The following FRMD5 variants were observed in gnomAD, a reference collection of about 807,000 sequenced individuals.
FRMD5 encodes FERM domain containing 5.
In FRMD5, 20 loss-of-function variants were observed where a neutral mutation model predicts 69.0. That is an observed-to-expected ratio of 0.29 (90% CI 0.20 to 0.42). The LOEUF (loss-of-function observed/expected upper bound fraction) is 0.42, where lower values mean the gene tolerates loss of function less well. Among genes scored for constraint, FRMD5 ranks in the 10% least tolerant of loss-of-function variants. The probability of loss-of-function intolerance (pLI) is 1.00; values close to 1 mark genes in which losing one functional copy is unlikely to be tolerated. For synonymous variants in FRMD5, 271 were observed against 260.1 expected, an observed-to-expected ratio of 1.04 and a Z score of -0.40; for missense variants, 595 against 708.6, an observed-to-expected ratio of 0.84 and a Z score of 1.82.
At chr15:44,044,770 G>T (rs1307142456) in intron 1 of FRMD5, among the ~76,000 whole-genome samples, 1 of 152,062 alleles carries the variant, frequency 6.6e-6, no homozygotes, top group Non-Finnish European at 1.5e-5. Flanking sequence ...TCAGGGGGTG[G>T]GGGGCTAGGG....
intron 1 of FRMD5, among the ~76,000 whole-genome samples, chr15:44,001,987 C>T (rs948445474): frequency 2.6e-5 from 4 of 152,104 alleles, no homozygotes; most frequent in African/African-American, 4.8e-5. Context: ...TCCCAAAGTG[C>T]GAGCCACCGC....
At chr15:44,112,855 A>T (rs1338880451) in intron 1 of FRMD5, among the ~76,000 whole-genome samples, 1 of 151,706 alleles carries the variant, frequency 6.6e-6, no homozygotes, top group Non-Finnish European at 1.5e-5. Context: ...TCGGCCTCCC[A>T]AAGTGCTGGG....
chr15:44,060,528 T>C (rs1275715735), intron 1 of FRMD5, among the ~76,000 whole-genome samples: 2 of 152,188 alleles, frequency 1.3e-5, no homozygotes, highest in African/African-American at 2.4e-5. Context: ...TTTAAAAAGG[T>C]ACATCTTAGA....
chr15:44,194,834 G>T (rs969445713), intron 1 of FRMD5, 119 bp downstream of exon 1: 2 of 891,782 alleles, frequency 2.2e-6, no homozygotes, highest in South Asian at 1.4e-5. Flanking sequence ...AACCAGGAAC[G>T]GACAAAGCAC....
chr15:43,976,512 T>A lies in FRMD5; in HGVS notation c.103-52203A>T, dbSNP rs1329152132. Among the ~76,000 whole-genome samples, 7 of 152,226 alleles carry A rather than the reference T, an allele frequency of 4.6e-5. No individual in the cohort carries two copies. In the East Asian group the frequency reaches 1.3e-3, roughly 29 times the overall value. Reference sequence around the variant, plus strand: ...ACACTTTAACAAAGATATATATGGATGGTGTTAGGAAGAGTTTTAAAAGGA... The same window carrying A: ...ACACTTTAACAAAGATATATATGGAAGGTGTTAGGAAGAGTTTTAAAAGGA... On this transcript the variant is annotated intron_variant, in intron 1 of 13. Transcript: ENST00000417257.
At chr15:44,186,650 C>T (rs2078107471) in intron 1 of FRMD5, among the ~76,000 whole-genome samples, 1 of 152,228 alleles carries the variant, frequency 6.6e-6, no homozygotes. Context: ...CCCACAATAC[C>T]ACTTCACAGC....
intron 1 of FRMD5, among the ~76,000 whole-genome samples, chr15:43,962,729 C>T (rs2090223420): frequency 6.6e-6 from 1 of 152,136 alleles, no homozygotes; most frequent in South Asian, 2.1e-4. Context: ...TGGAACAGAA[C>T]AGAGCCCTCA....
chr15:43,873,199 C>CG lies in FRMD5; in HGVS notation c.*685dup. 1 of 1,550,474 alleles carries CG rather than the reference C, an allele frequency of 6.4e-7. No individual in the cohort carries two copies. Among genetic ancestry groups the CG allele is most frequent in the Non-Finnish European group, 8.7e-7 (1 of 1,146,964 alleles). ...ACCCCTGATGCTGCTGTTGCTGTAG[C>CG]GGTGGTCCCTTCAGATGCCCACTCT... On this transcript the variant is annotated 3_prime_UTR_variant, in exon 14 of 14. Coordinates refer to ENST00000417257, the MANE Select transcript of FRMD5 (RefSeq NM_032892.5).
intron 1 of FRMD5, among the ~76,000 whole-genome samples, chr15:43,953,335 A>G (rs1348667303): frequency 6.6e-6 from 1 of 152,102 alleles, no homozygotes; most frequent in Non-Finnish European, 1.5e-5. Context: ...GCTTTCTGGG[A>G]TTTTCTCTGG....
chr15:44,043,845 C>T (rs10152658), intron 1 of FRMD5, among the ~76,000 whole-genome samples: 11,622 of 152,084 alleles, frequency 0.076, 683 homozygotes, highest in East Asian at 0.16. Context: ...TAGGCAATAC[C>T]ATTCAGGACA....
chr15:44,030,773 G>T (rs1293243008), intron 1 of FRMD5, among the ~76,000 whole-genome samples: 2 of 152,168 alleles, frequency 1.3e-5, no homozygotes, highest in Non-Finnish European at 2.9e-5. Context: ...AAAATCTGCA[G>T]TCTTTCTGTC....
intron 13 of FRMD5, among the ~76,000 whole-genome samples, chr15:43,880,013 ACCTCT>A (rs1415404003): frequency 6.6e-6 from 1 of 152,150 alleles, no homozygotes; most frequent in Non-Finnish European, 1.5e-5. Context: ...AAGGGCTCCA[ACCTCT>A]CAGAGGGCAA....
At chr15:43,898,334 T>C (rs2088964167) in intron 7 of FRMD5, among the ~76,000 whole-genome samples, 1 of 152,186 alleles carries the variant, frequency 6.6e-6, no homozygotes, top group African/African-American at 2.4e-5. Context: ...TAGAGGGGAC[T>C]TATCTCCCTC....
intron 1 of FRMD5, among the ~76,000 whole-genome samples, chr15:43,950,871 C>T (rs2090015824): frequency 6.6e-6 from 1 of 152,146 alleles, no homozygotes; most frequent in South Asian, 2.1e-4. Flanking sequence ...TGATTACAGG[C>T]AAAGTGACAC....
At chr15:43,962,953 C>T (rs934636212) in intron 1 of FRMD5, among the ~76,000 whole-genome samples, 1 of 152,128 alleles carries the variant, frequency 6.6e-6, no homozygotes, top group Non-Finnish European at 1.5e-5. Context: ...CATAAAAACC[C>T]TAGAAGAAAA....
intron 1 of FRMD5, among the ~76,000 whole-genome samples, chr15:44,038,643 A>G (rs1258960828): frequency 6.7e-6 from 1 of 148,392 alleles, no homozygotes; most frequent in East Asian, 2.0e-4. Context: ...TGCATTTCCA[A>G]CTGAGGTACC....
chr15:43,988,069 T>C (rs895113921), intron 1 of FRMD5, among the ~76,000 whole-genome samples: 2 of 152,112 alleles, frequency 1.3e-5, no homozygotes, highest in Admixed American at 1.3e-4. Flanking sequence ...CCTATGAGAA[T>C]CTAATGCTGC....
At chr15:44,105,283 C>T (rs1409284785) in intron 1 of FRMD5, among the ~76,000 whole-genome samples, 1 of 151,956 alleles carries the variant, frequency 6.6e-6, no homozygotes, top group Non-Finnish European at 1.5e-5. Context: ...TGCCATGTTG[C>T]CTAGGCTGGT....
chr15:43,970,978 G>A (rs2090366437), intron 1 of FRMD5, among the ~76,000 whole-genome samples: 1 of 152,124 alleles, frequency 6.6e-6, no homozygotes, highest in African/African-American at 2.4e-5. Flanking sequence ...TGCCAGGTGT[G>A]GTGGTTCACA....
Sources: allele counts gnomAD v4.1 joint callset (sites outside exome capture counted in the v4.1 genomes callset), GRCh38; gene constraint gnomAD v4.1.1; transcripts MANE v1.5; gene names NCBI Gene and HGNC (gene_info 2026-07-23, HGNC 2026-07-21).